Variants in SCAF4 observed in about 807,000 individuals in gnomAD.
The protein encoded by SCAF4 is SR-related CTD associated factor 4, also known as SR-related and CTD-associated factor 4.
A neutral mutation model predicts 129.8 loss-of-function variants in SCAF4; 25 were observed. The observed-to-expected ratio is 0.19, with a 90% CI of 0.14 to 0.27. The LOEUF is 0.27. Among genes scored for constraint, SCAF4 ranks in the 10% least tolerant of loss-of-function variants. The pLI is 1.00. For missense variants in SCAF4, 1,246 were observed against 1,457.1 expected (o/e 0.86, Z 2.36); for synonymous variants, 551 against 497.7 (o/e 1.11, Z -1.43).
At chr21:31,673,995 C>G (rs560493599) in intron 19 of SCAF4, among the ~76,000 whole-genome samples, 200 of 152,334 alleles carry the variant, frequency 1.3e-3, no homozygotes, top group Middle Eastern at 0.01. Flanking sequence ...ACGGGGGAAA[C>G]AGTTTCAAAG....
At chr21:31,676,100 G>C (rs75595573) in intron 19 of SCAF4, among the ~76,000 whole-genome samples, 3,716 of 152,278 alleles carry the variant, frequency 0.024, 149 homozygotes, top group African/African-American at 0.085. Context: ...AACTGCATCA[G>C]TTGCAGAGGA....
intron 19 of SCAF4, among the ~76,000 whole-genome samples, chr21:31,683,113 T>G (rs763112040): frequency 3.3e-5 from 5 of 152,244 alleles, no homozygotes; most frequent in East Asian, 1.9e-4. Context: ...CCTTCAATTT[T>G]AAAATTCTGT....
chr21:31,682,972 G>A (rs978301454), intron 19 of SCAF4, among the ~76,000 whole-genome samples: 1 of 152,190 alleles, frequency 6.6e-6, no homozygotes, highest in Non-Finnish European at 1.5e-5. Flanking sequence ...ACTGCTGACT[G>A]AAGGCACATG....
intron 1 of SCAF4, among the ~76,000 whole-genome samples, chr21:31,711,456 G>A (rs1003487451): frequency 6.6e-6 from 1 of 152,188 alleles, no homozygotes; most frequent in African/African-American, 2.4e-5. Flanking sequence ...TGGTAAGCAT[G>A]TACATTGACA....
Position 31,696,179 on chromosome 21 carries a change from C to A in SCAF4, c.1002G>T (p.Gln334His), listed in dbSNP as rs559938313. The stretch of plus-strand genomic sequence containing the variant: ...GCTGAAACTGATCCATATTTTGATG[C>A]TGTGTGTATGCTGGCTGCTGCATGC... ...GDGMQQPAYT[Q>H]HQNMDQFQPR... Residue 334 changes from glutamine (Q) to histidine (H), a missense_variant, in exon 9 of 20, where the codon CAG (glutamine) becomes CAT (histidine). Around this residue, in one of 6 missense-constraint regions of SCAF4, gnomAD observed 236 missense variants for 210.0 expected, o/e 1.12. Transcript: ENST00000286835. 5 of 1,613,974 alleles carry A rather than the reference C, an allele frequency of 3.1e-6. No homozygotes were observed. The South Asian group carries it at 4.4e-5, about 14-fold the overall frequency.
rs578023456 is a variant in SCAF4 at position 31,671,943 on chromosome 21, GGCTGCTGCT to G, written c.2891_2899del (p.Gln964_Gln966del). 7.5e-5 allele frequency: 121 copies of G among 1,606,392 alleles called. No homozygotes were observed. The highest frequency in any genetic ancestry group is 9.2e-5 in the Non-Finnish European group (108 of 1,173,650). On this transcript the variant is annotated inframe_deletion, in exon 20 of 20. Transcript: ENST00000286835. ...TGGTGGAGGCTGTTGTGATGGTGGT[GGCTGCTGCT>G]GCTGCTGCTGCTGTGGTTGCTGGGG...
chr21:31,732,115 C>G lies in SCAF4; in HGVS notation c.-423G>C. The G allele has an allele frequency of 2.5e-6, 1 of 398,932 alleles. No homozygotes were observed. Among genetic ancestry groups the G allele is most frequent in the Non-Finnish European group, 4.4e-6 (1 of 227,286 alleles). 24.7% of individuals were successfully genotyped at this position (398,932 alleles called of 1,614,324 possible). A position where few individuals can be genotyped will look rare whatever the true frequency, so the allele number is the denominator to read the frequency against. ...GCCCGAGTCCACGCCGCGCGGGGCA[C>G]CCTGGGACGGCTCAGGCCTCCCGGC... On this transcript the variant is annotated 5_prime_UTR_variant, in exon 1 of 20. Coordinates refer to ENST00000286835, the MANE Select transcript of SCAF4 (RefSeq NM_020706.2).
In SCAF4 at chr21:31,702,239, C is replaced by T. The variant is rs766054561; in HGVS notation, c.457+5G>A. On this transcript the variant is annotated splice_donor_5th_base_variant and intron_variant, in intron 5 of 19. Transcript: ENST00000286835. The stretch of plus-strand genomic sequence containing the variant: ...GTGTGAGCTCACAGATACATCTGAC[C>T]ATACCTTCATTATTGGTAACATTTT... 22 of 1,613,970 alleles carry T rather than the reference C, an allele frequency of 1.4e-5. No homozygotes were observed. In the South Asian group the frequency reaches 2.0e-4, roughly 15 times the overall value.
At chr21:31,717,789 C>T (rs1243692440) in intron 1 of SCAF4, among the ~76,000 whole-genome samples, 1 of 146,954 alleles carries the variant, frequency 6.8e-6, no homozygotes, top group Non-Finnish European at 1.5e-5. Flanking sequence ...ACAACATACA[C>T]TGTGCAAAAA....
chr21:31,675,560 T>G (rs1768002683), intron 19 of SCAF4, among the ~76,000 whole-genome samples: 1 of 151,960 alleles, frequency 6.6e-6, no homozygotes, highest in African/African-American at 2.4e-5. Context: ...CAACGCAAGA[T>G]CAGAAGAGTG....
chr21:31,708,615 G>A (rs1378807612), intron 1 of SCAF4, among the ~76,000 whole-genome samples: 1 of 151,956 alleles, frequency 6.6e-6, no homozygotes, highest in African/African-American at 2.4e-5. Context: ...ACAGTGAAAG[G>A]GGATGCAAAA....
At chr21:31,679,925 T>G (rs1197831270) in intron 19 of SCAF4, among the ~76,000 whole-genome samples, 2 of 152,258 alleles carry the variant, frequency 1.3e-5, no homozygotes, top group African/African-American at 4.8e-5. Context: ...AGCTATGAGT[T>G]AAAATTTCAC....
chr21:31,726,995 T>G (rs750024400), intron 1 of SCAF4, among the ~76,000 whole-genome samples: 3 of 152,204 alleles, frequency 2.0e-5, no homozygotes, highest in Non-Finnish European at 2.9e-5. Context: ...AGGAAGACTT[T>G]ATATTTTATT....
At chr21:31,693,257 A>C (rs758715574) in intron 12 of SCAF4, 37 bp downstream of exon 12, 3 of 1,345,816 alleles carry the variant, frequency 2.2e-6, no homozygotes, top group Non-Finnish European at 2.9e-6. Flanking sequence ...GACATGAAAA[A>C]ATAGTACATG....
chr21:31,706,187 T>C (rs1481080282), intron 2 of SCAF4, 87 bp downstream of exon 2: 10 of 886,828 alleles, frequency 1.1e-5, no homozygotes, highest in Middle Eastern at 3.3e-4. Context: ...CCTGAACTAA[T>C]TCACAAGTTG....
chr21:31,723,629 T>TGTGCGC (rs1271033175), intron 1 of SCAF4, among the ~76,000 whole-genome samples: 331 of 149,062 alleles, frequency 2.2e-3, no homozygotes, highest in African/African-American at 3.9e-3. Context: ...TGTGTGTGTG[T>TGTGCGC]GCGCGCGCGC....
chr21:31,702,998 TTCC>T (rs1428114601), intron 4 of SCAF4, among the ~76,000 whole-genome samples: 2 of 152,188 alleles, frequency 1.3e-5, no homozygotes, highest in South Asian at 2.1e-4. Context: ...ACTAGTATAA[TTCC>T]TCCTATCTAC....
At chr21:31,713,769 G>A (rs2123645261) in intron 1 of SCAF4, among the ~76,000 whole-genome samples, 1 of 151,836 alleles carries the variant, frequency 6.6e-6, no homozygotes, top group Non-Finnish European at 1.5e-5. Context: ...GGGGGGCAGG[G>A]AAGAAGCACT....
At chr21:31,676,831 C>T (rs927539648) in intron 19 of SCAF4, among the ~76,000 whole-genome samples, 1 of 152,084 alleles carries the variant, frequency 6.6e-6, no homozygotes, top group African/African-American at 2.4e-5. Flanking sequence ...ATCCTGCATC[C>T]GTGGGCCATC....
Sources: allele counts gnomAD v4.1 joint callset (sites outside exome capture counted in the v4.1 genomes callset), GRCh38; gene constraint gnomAD v4.1.1; regional missense constraint gnomAD v4.1.1; transcripts MANE v1.5; gene names NCBI Gene and HGNC (gene_info 2026-07-23, HGNC 2026-07-21).